The following NTRK3 variants were observed in gnomAD, a reference collection of about 807,000 sequenced individuals.
The protein encoded by NTRK3 is NT-3 growth factor receptor.
A neutral mutation model predicts 91.7 loss-of-function variants in NTRK3; 24 were observed. The observed-to-expected ratio is 0.26, with a 90% CI of 0.19 to 0.37. The LOEUF (loss-of-function observed/expected upper bound fraction) is 0.37, where lower values mean the gene tolerates loss of function less well. Among genes scored for constraint, NTRK3 ranks in the 10% least tolerant of loss-of-function variants. The probability of loss-of-function intolerance (pLI) is 1.00; values close to 1 mark genes in which losing one functional copy is unlikely to be tolerated. For missense variants in NTRK3, 880 were observed against 1,068.9 expected, an observed-to-expected ratio of 0.82 and a Z score of 2.46; for synonymous variants, 483 against 404.0, an observed-to-expected ratio of 1.20 and a Z score of -2.34.
chr15:88,046,020 G>C (rs1227734233), intron 13 of NTRK3, among the ~76,000 whole-genome samples: 1 of 152,138 alleles, frequency 6.6e-6, no homozygotes, highest in Non-Finnish European at 1.5e-5. Flanking sequence ...TCTTTTTGCA[G>C]GACACAATTC....
intron 3 of NTRK3, among the ~76,000 whole-genome samples, chr15:88,225,122 C>A (rs1414434382): frequency 3.3e-5 from 5 of 151,998 alleles, no homozygotes. Flanking sequence ...CGGAGTGTAC[C>A]CCTGGGCCAG....
chr15:88,004,964 G>A (rs1175634478), intron 14 of NTRK3, among the ~76,000 whole-genome samples: 1 of 152,196 alleles, frequency 6.6e-6, no homozygotes, highest in African/African-American at 2.4e-5. Context: ...GCCTAGCAAA[G>A]TGGTATTTAT....
At chr15:88,183,597 T>C (rs941540495) in intron 4 of NTRK3, 108 bp from the exon 5 acceptor site, 34 of 1,027,072 alleles carry the variant, frequency 3.3e-5, no homozygotes, top group Admixed American at 6.8e-5. Flanking sequence ...GCAGCCGCCC[T>C]GTGGATTATC....
chr15:88,196,018 A>G (rs544958167), intron 3 of NTRK3, among the ~76,000 whole-genome samples: 9 of 152,332 alleles, frequency 5.9e-5, no homozygotes, highest in East Asian at 5.8e-4. Flanking sequence ...AATTCACTCA[A>G]TATGGAAGTT....
exon 19 of NTRK3, chr15:87,870,387 G>C (rs1362982693): frequency 5.0e-6 from 1 of 200,770 alleles, no homozygotes; most frequent in African/African-American, 2.3e-5. Context: ...AAGCTGTGAG[G>C]ATGTCAAGGT....
In NTRK3 at chr15:88,136,453, C is replaced by T. The variant is rs780307627; in HGVS notation, c.765+14G>A. The T allele has an allele frequency of 2.5e-6, 4 of 1,614,092 alleles. No individual in the cohort carries two copies. The highest frequency in any genetic ancestry group is 3.4e-6 in the Non-Finnish European group (4 of 1,179,988). ...CCCTAGCCTCCTGATGGGGCTGAAGCCCAGGATGCCTACCTGGTGAGTGTT... is the reference window on the plus strand; with the variant it reads ...CCCTAGCCTCCTGATGGGGCTGAAGTCCAGGATGCCTACCTGGTGAGTGTT... On this transcript the variant is annotated intron_variant, in intron 8 of 18. Transcript: ENST00000394480.
intron 13 of NTRK3, among the ~76,000 whole-genome samples, chr15:88,052,316 A>G (rs1334464030): frequency 6.6e-6 from 1 of 152,214 alleles, no homozygotes; most frequent in African/African-American, 2.4e-5. Context: ...TTAATTTCCC[A>G]GTAACATGGT....
rs1050382441 is a variant in NTRK3, at chr15:88,235,441, C to A, written c.248+20465G>T. On this transcript the variant is annotated intron_variant, in intron 3 of 18. Transcript: ENST00000394480. This position sits in a 1 kb window ranked among gnomAD's most constrained non-coding sequence, Gnocchi z 5.2. ...CTGAGCACTCAGCAAGCAGGACTCG[C>A]AGCTAAACCATTGTGGGAGAGAGAC... is the stretch of plus-strand genomic sequence containing the variant. 3.9e-5 allele frequency among the ~76,000 whole-genome samples: 6 copies of A among 152,196 alleles called. No individual in the cohort carries two copies. The highest frequency in any genetic ancestry group is 1.4e-4 in the African/African-American group (6 of 41,460).
chr15:88,154,267 C>G lies in NTRK3; in HGVS notation c.396-6864G>C, dbSNP rs541121824. 1.8e-3 allele frequency among the ~76,000 whole-genome samples: 276 copies of G among 152,246 alleles called. 1 individual carries two copies. The Middle Eastern group carries it at 0.031, about 17-fold the overall frequency. ...CACACCAGAGGTATCTGCAGCCTAC[C>G]ACCAAAGGAGCTGTTAGGGGGCTGC... is the stretch of plus-strand genomic sequence containing the variant. On this transcript the variant is annotated intron_variant, in intron 5 of 18. Transcript: ENST00000394480.
chr15:87,941,577 C>T (rs1027863483), intron 14 of NTRK3, among the ~76,000 whole-genome samples: 2 of 152,086 alleles, frequency 1.3e-5, no homozygotes, highest in African/African-American at 2.4e-5. Flanking sequence ...AGACTACTAA[C>T]GGGTAGCTAA....
chr15:87,972,528 G>T (rs977073190), intron 14 of NTRK3, among the ~76,000 whole-genome samples: 5 of 152,160 alleles, frequency 3.3e-5, no homozygotes, highest in African/African-American at 7.2e-5. Flanking sequence ...AGTGAGAACT[G>T]CTCGAGGGTT....
intron 13 of NTRK3, among the ~76,000 whole-genome samples, chr15:88,053,049 T>C (rs1448823631): frequency 6.6e-6 from 1 of 152,178 alleles, no homozygotes; most frequent in African/African-American, 2.4e-5. Context: ...AAAACATTTA[T>C]TAGGAACCTA....
intron 13 of NTRK3, among the ~76,000 whole-genome samples, chr15:88,042,894 T>C (rs1332104831): frequency 6.6e-6 from 1 of 152,264 alleles, no homozygotes; most frequent in East Asian, 1.9e-4. Flanking sequence ...CTTCAAAGTC[T>C]GGGCTCATTT....
intron 3 of NTRK3, among the ~76,000 whole-genome samples, chr15:88,198,730 C>T (rs2048042024): frequency 6.6e-6 from 1 of 152,198 alleles, no homozygotes. Context: ...CAGAAATTCC[C>T]AGAAGCTTCT....
At chr15:88,252,133 A>T (rs1014044538) in intron 3 of NTRK3, among the ~76,000 whole-genome samples, 3 of 151,676 alleles carry the variant, frequency 2.0e-5, no homozygotes, top group Non-Finnish European at 4.4e-5. Flanking sequence ...TCCAAATCTC[A>T]TGTCAACAGC....
At chr15:88,199,510 T>C (rs60479494) in intron 3 of NTRK3, among the ~76,000 whole-genome samples, 9,876 of 152,258 alleles carry the variant, frequency 0.065, 678 homozygotes, top group African/African-American at 0.17. Context: ...GGCAAGAACA[T>C]TTAATATCCT....
At chr15:88,003,625 A>C (rs1387991575) in intron 14 of NTRK3, among the ~76,000 whole-genome samples, 1 of 152,176 alleles carries the variant, frequency 6.6e-6, no homozygotes, top group Non-Finnish European at 1.5e-5. Flanking sequence ...CACACAGCTA[A>C]CTACTACAAT....
chr15:88,247,332 G>T (rs1355972977), intron 3 of NTRK3, among the ~76,000 whole-genome samples: 1 of 152,204 alleles, frequency 6.6e-6, no homozygotes, highest in Non-Finnish European at 1.5e-5. Context: ...AGGGCCCTTC[G>T]TTCTGGGCTG....
chr15:87,973,048 C>T (rs1191170864), intron 14 of NTRK3, among the ~76,000 whole-genome samples: 1 of 152,110 alleles, frequency 6.6e-6, no homozygotes, highest in African/African-American at 2.4e-5. Flanking sequence ...TTTGTCATTC[C>T]TCGCCATCCT....
Sources: allele counts gnomAD v4.1 joint callset (sites outside exome capture counted in the v4.1 genomes callset), GRCh38; gene constraint gnomAD v4.1.1; non-coding constraint Gnocchi (gnomAD v3.1); transcripts MANE v1.5; gene names NCBI Gene and HGNC (gene_info 2026-07-23, HGNC 2026-07-21).